SUSD4: variants seen among roughly 807,000 people sequenced by gnomAD.
SUSD4 encodes sushi domain containing 4.
Under a neutral mutation model 50.5 loss-of-function variants are expected in SUSD4, and 41 were observed. The ratio of observed to expected loss-of-function variants is 0.81; its 90% CI spans 0.63 to 1.05. The LOEUF (loss-of-function observed/expected upper bound fraction) is 1.05. Ranked by LOEUF, SUSD4 falls within the 50% of genes least tolerant of loss-of-function variation. The pLI, the probability that SUSD4 is intolerant of heterozygous loss-of-function variation, is 0.00. For missense variants in SUSD4, 580 were observed against 634.7 expected (o/e 0.91, Z 0.93); for synonymous variants, 257 against 257.3 (o/e 1.00, Z 0.01).
rs1161929628 is a variant in SUSD4, at chr1:223,234,013, T to A, written c.725-4625A>T. 2.6e-5 allele frequency among the ~76,000 whole-genome samples: 4 copies of A among 152,140 alleles called. No homozygotes were observed. In the East Asian group the frequency reaches 7.7e-4, roughly 29 times the overall value. On this transcript the variant is annotated intron_variant, in intron 5 of 8. Transcript: ENST00000366878. Reference sequence around the variant, plus strand: ...CTGTTCCTTGTTTCATGACAGAGGGTTACGGCTCTTTTCAGACTAGCTGGA... The same window carrying A: ...CTGTTCCTTGTTTCATGACAGAGGGATACGGCTCTTTTCAGACTAGCTGGA...
At chr1:223,331,941 C>G (rs1667200708) in intron 2 of SUSD4, among the ~76,000 whole-genome samples, 2 of 152,190 alleles carry the variant, frequency 1.3e-5, no homozygotes, top group African/African-American at 4.8e-5. Context: ...CCTAAAGGGA[C>G]AGTTTGAAAT....
chr1:223,234,816 T>A, intron 5 of SUSD4: 1 of 1,245,978 alleles, frequency 8.0e-7, no homozygotes, highest in South Asian at 2.1e-5. Flanking sequence ...GAGGCCAACG[T>A]TTCTAACACC....
rs1455373522 is a variant in SUSD4, at chr1:223,229,021, C to T, written c.916+176G>A. Among the ~76,000 whole-genome samples the T allele has an allele frequency of 6.6e-6, 1 of 152,072 alleles. No individual in the cohort carries two copies. Among genetic ancestry groups the T allele is most frequent in the African/African-American group, 2.4e-5 (1 of 41,442 alleles). ...TGACTGTCTGAACAGGACCTACAAG[C>T]ATCTGGCACAGAGCCCAACAGCAGC... is the stretch of plus-strand genomic sequence containing the variant. On this transcript the variant is annotated intron_variant, in intron 6 of 8. Transcript: ENST00000366878. This position sits in a 1 kb window ranked among gnomAD's most constrained non-coding sequence, Gnocchi z 4.7.
intron 5 of SUSD4, among the ~76,000 whole-genome samples, chr1:223,247,218 C>G (rs1239978846): frequency 1.3e-5 from 2 of 152,192 alleles, no homozygotes; most frequent in African/African-American, 4.8e-5. Context: ...CACGAGCACC[C>G]AGCTGGTCCA....
chr1:223,234,652 G>T (rs1660097105), intron 5 of SUSD4, among the ~76,000 whole-genome samples: 1 of 152,066 alleles, frequency 6.6e-6, no homozygotes, highest in African/African-American at 2.4e-5. Context: ...TTCAGTGGGG[G>T]AAAAAAGGTG....
intron 2 of SUSD4, among the ~76,000 whole-genome samples, chr1:223,336,238 G>A (rs976404727): frequency 1.3e-5 from 2 of 152,304 alleles, no homozygotes; most frequent in South Asian, 4.1e-4. Flanking sequence ...ACAAGCGTGA[G>A]CCACTGTGCC....
intron 2 of SUSD4, among the ~76,000 whole-genome samples, chr1:223,356,277 T>G (rs1021910545): frequency 2.0e-5 from 3 of 152,176 alleles, no homozygotes; most frequent in Non-Finnish European, 4.4e-5. Context: ...CACAGCATCT[T>G]AAGCTCATAC....
intron 2 of SUSD4, 30 bp from the exon 3 acceptor site, chr1:223,292,681 T>C: frequency 1.2e-6 from 2 of 1,608,718 alleles, no homozygotes; most frequent in Non-Finnish European, 1.7e-6. Flanking sequence ...AAAAGGTGCC[T>C]ATGAATATGT....
chr1:223,259,452 C>T (rs1039843473), intron 5 of SUSD4, among the ~76,000 whole-genome samples: 2 of 152,174 alleles, frequency 1.3e-5, no homozygotes, highest in African/African-American at 4.8e-5. Flanking sequence ...TTGCTTCCAT[C>T]GTCTGTTCTT....
chr1:223,224,862 C>CTTTTTTTTTTT (rs11345619), intron 7 of SUSD4, among the ~76,000 whole-genome samples: 1 of 59,234 alleles, frequency 1.7e-5, no homozygotes, highest in African/African-American at 7.2e-5. Flanking sequence ...TGGTTTCTTC[C>CTTTTTTTTTTT]TTTTTTTTTT....
At chr1:223,338,575 G>A (rs770927646) in intron 2 of SUSD4, among the ~76,000 whole-genome samples, 1 of 152,354 alleles carries the variant, frequency 6.6e-6, no homozygotes, top group Admixed American at 6.5e-5. Flanking sequence ...GAGCTGGAAG[G>A]GGGCAATGCC....
rs78853989 is a variant in SUSD4 at position 223,295,565 on chromosome 1, G to A, written c.149-2914C>T. 5.3e-3 allele frequency among the ~76,000 whole-genome samples: 811 copies of A among 152,234 alleles called. 44 individuals are homozygous for A. In the East Asian group the frequency reaches 0.11, roughly 22 times the overall value. The stretch of plus-strand genomic sequence containing the variant: ...TGAAGAGTAGCCAGAAGGGAGGAAG[G>A]GTGCTGTGGGTGCAGGTCGGAAGGT... On this transcript the variant is annotated intron_variant, in intron 2 of 8. Transcript: ENST00000366878.
intron 5 of SUSD4, among the ~76,000 whole-genome samples, chr1:223,246,798 T>C (rs1395646589): frequency 6.6e-6 from 1 of 152,122 alleles, no homozygotes; most frequent in African/African-American, 2.4e-5. Context: ...GAACTATGTA[T>C]CACTTATCAC....
chr1:223,291,959 T>C (rs1364156591), intron 3 of SUSD4, among the ~76,000 whole-genome samples: 1 of 152,254 alleles, frequency 6.6e-6, no homozygotes, highest in African/African-American at 2.4e-5. Flanking sequence ...ACCTCGTTAA[T>C]CTGTCACTGC....
intron 2 of SUSD4, among the ~76,000 whole-genome samples, chr1:223,330,588 T>C (rs1024882560): frequency 6.6e-6 from 1 of 152,188 alleles, no homozygotes; most frequent in African/African-American, 2.4e-5. Flanking sequence ...AACAACACCA[T>C]TTGTCTTAGT....
chr1:223,323,099 T>TG (rs1269302421), intron 2 of SUSD4, among the ~76,000 whole-genome samples: 1 of 151,988 alleles, frequency 6.6e-6, no homozygotes, highest in Admixed American at 6.6e-5. Context: ...AGAGCAGTGC[T>TG]GGGGAGCATG....
intron 2 of SUSD4, among the ~76,000 whole-genome samples, chr1:223,307,105 C>T (rs534882019): frequency 7.3e-4 from 111 of 152,162 alleles, no homozygotes; most frequent in African/African-American, 2.6e-3. Flanking sequence ...CTAGGTGGCT[C>T]CCTCCTTGGC....
chr1:223,225,186 T>C (rs1184794848), intron 7 of SUSD4, among the ~76,000 whole-genome samples: 1 of 151,960 alleles, frequency 6.6e-6, no homozygotes, highest in Non-Finnish European at 1.5e-5. Context: ...TGGTTTCTTA[T>C]TGTCTCTGCT....
chr1:223,233,473 CTA>C (rs1356011783), intron 5 of SUSD4, among the ~76,000 whole-genome samples: 1 of 152,216 alleles, frequency 6.6e-6, no homozygotes, highest in Non-Finnish European at 1.5e-5. Flanking sequence ...CTGCCTCTCA[CTA>C]TGAGGCTCGA....
Sources: allele counts gnomAD v4.1 joint callset (sites outside exome capture counted in the v4.1 genomes callset), GRCh38; gene constraint gnomAD v4.1.1; non-coding constraint Gnocchi (gnomAD v3.1); transcripts MANE v1.5; gene names NCBI Gene and HGNC (gene_info 2026-07-23, HGNC 2026-07-21).